Variants in JARID2 observed in about 807,000 individuals in gnomAD.
JARID2 encodes the protein jumonji and AT-rich interaction domain containing 2.
In JARID2, 21 loss-of-function variants were observed where a neutral mutation model predicts 125.6. The observed-to-expected ratio is 0.17, with a 90% CI of 0.12 to 0.24. JARID2 has a LOEUF of 0.24. Ranked by LOEUF, JARID2 falls within the 10% of genes least tolerant of loss-of-function variation. The pLI, the probability that JARID2 is intolerant of heterozygous loss-of-function variation, is 1.00. For synonymous variants in JARID2, 736 were observed against 661.6 expected, an observed-to-expected ratio of 1.11 and a Z score of -1.73; for missense variants, 1,303 against 1,639.6, an observed-to-expected ratio of 0.79 and a Z score of 3.55.
At chr6:15,393,629 G>T (rs1374033080) in intron 2 of JARID2, among the ~76,000 whole-genome samples, 1 of 152,134 alleles carries the variant, frequency 6.6e-6, no homozygotes, top group African/African-American at 2.4e-5. Flanking sequence ...CATATTTATC[G>T]TTGCAGCACT....
In JARID2 at chr6:15,468,576, T is replaced by C. The variant is rs761211439; in HGVS notation, c.528T>C (p.Phe176=). The C allele has an allele frequency of 5.0e-6, 8 of 1,613,984 alleles. No homozygotes were observed. In the East Asian group the frequency reaches 6.7e-5, roughly 13 times the overall value. The part of the protein sequence containing the change: ...SPALPNSMVY[F]GSSQDEEEVE... The stretch of plus-strand genomic sequence containing the variant: ...CGCTGCCCAACAGCATGGTGTATTT[T>C]GGAAGCTCTCAGGATGAGGAGGAAG... Residue 176 remains phenylalanine, a synonymous_variant, in exon 5 of 18, where the codon TTT becomes TTC. Transcript: ENST00000341776.
chr6:15,371,435 A>T (rs1020356864), intron 1 of JARID2, among the ~76,000 whole-genome samples: 1 of 152,216 alleles, frequency 6.6e-6, no homozygotes, highest in Non-Finnish European at 1.5e-5. Context: ...GTGGTGATGA[A>T]GAGAATTCTG....
chr6:15,441,026 C>T (rs1767424036), intron 3 of JARID2, among the ~76,000 whole-genome samples: 2 of 152,104 alleles, frequency 1.3e-5, no homozygotes, highest in Non-Finnish European at 2.9e-5. Flanking sequence ...AAATTTCTGT[C>T]AGAGCCCCAA....
At position 15,468,691 on chromosome 6, in the gene JARID2, A is replaced by T; in HGVS notation, c.643A>T (p.Thr215Ser). 1 of 1,613,424 alleles carries T rather than the reference A, an allele frequency of 6.2e-7. No individual in the cohort carries two copies. Among genetic ancestry groups the T allele is most frequent in the Non-Finnish European group, 8.5e-7 (1 of 1,179,690 alleles). Residue 215 changes from threonine to serine, a missense_variant, in exon 5 of 18, where the codon ACC becomes TCC. Transcript: ENST00000341776. ...SCQSTPRKGKTHKHVHNGHVF... is the reference protein window; with the variant it reads ...SCQSTPRKGKSHKHVHNGHVF... ...CCAGTCGACCCCCAGGAAAGGAAAA[A>T]CCCACAAACATGTTCACAACGGGCA...
At chr6:15,506,999 A>G in intron 9 of JARID2, 137 bp from the exon 10 acceptor site, 1 of 647,294 alleles carries the variant, frequency 1.5e-6, no homozygotes, top group Middle Eastern at 3.8e-4. Flanking sequence ...GTCCTGCTGG[A>G]GACACTCTGC....
chr6:15,339,850 T>C (rs965274140), intron 1 of JARID2, among the ~76,000 whole-genome samples: 1 of 152,210 alleles, frequency 6.6e-6, no homozygotes, highest in Non-Finnish European at 1.5e-5. Flanking sequence ...AGCTCTCTTC[T>C]AAAGTTTATC....
At chr6:15,346,875 A>G (rs1482992243) in intron 1 of JARID2, among the ~76,000 whole-genome samples, 1 of 151,864 alleles carries the variant, frequency 6.6e-6, no homozygotes, top group African/African-American at 2.4e-5. Flanking sequence ...AGCTAGGAAT[A>G]CAGGTGCTTG....
intron 17 of JARID2, 148 bp from the exon 18 acceptor site, chr6:15,519,921 G>T: frequency 1.9e-6 from 1 of 527,952 alleles, no homozygotes. Flanking sequence ...CTGCATCTGA[G>T]CCTCTCGGGG....
At chr6:15,337,776 G>A (rs1441400572) in intron 1 of JARID2, among the ~76,000 whole-genome samples, 4 of 151,724 alleles carry the variant, frequency 2.6e-5, no homozygotes, top group Admixed American at 6.6e-5. Context: ...GGAAGTTAAC[G>A]AAGGAACGGC....
chr6:15,311,109 C>T (rs1452372403), intron 1 of JARID2, among the ~76,000 whole-genome samples: 1 of 152,168 alleles, frequency 6.6e-6, no homozygotes, highest in East Asian at 1.9e-4. Context: ...GTCTCAGAGA[C>T]CCTTCCGCGT....
chr6:15,500,344 A>G (rs1022511020), intron 7 of JARID2, among the ~76,000 whole-genome samples: 6 of 152,276 alleles, frequency 3.9e-5, no homozygotes, highest in South Asian at 2.1e-4. Flanking sequence ...AGGATGGAAA[A>G]TAGACTTCCT....
rs775018044 is a variant in JARID2 at position 15,452,069 on chromosome 6, A to C, written c.387A>C (p.Pro129=). 1.4e-5 allele frequency: 22 copies of C among 1,614,064 alleles called. No homozygotes were observed. Among genetic ancestry groups the C allele is most frequent in the Non-Finnish European group, 1.9e-5 (22 of 1,180,030 alleles). ...AGCCGAATAGTCCCAGCACAACTCC[A>C]GTAAAGATAGTGGAGCCATTGCTAC... The part of the protein sequence containing the change: ...QSQPNSPSTT[P]VKIVEPLLPP... The change falls in exon 4 of 18, where the codon CCA becomes CCC. Residue 129 remains proline (P), a synonymous_variant. Transcript: ENST00000341776.
intron 1 of JARID2, among the ~76,000 whole-genome samples, chr6:15,252,766 C>T (rs1393266180): frequency 6.6e-6 from 1 of 151,774 alleles, no homozygotes; most frequent in African/African-American, 2.4e-5. Context: ...GTTTTTTTTC[C>T]GTCCTCCAGA....
intron 1 of JARID2, chr6:15,248,732 C>T (rs1005445324): frequency 1.7e-5 from 3 of 176,304 alleles, no homozygotes; most frequent in Non-Finnish European, 3.3e-5. Flanking sequence ...CGGCCGCACT[C>T]TGTTGTCATT....
intron 17 of JARID2, 97 bp from the exon 18 acceptor site, chr6:15,519,972 C>T (rs1029620142): frequency 1.2e-4 from 116 of 938,626 alleles, no homozygotes; most frequent in East Asian, 1.4e-4. Context: ...AAGGGGACCG[C>T]TGCCCTCTGC....
chr6:15,470,733 T>C (rs1769035402), intron 5 of JARID2, among the ~76,000 whole-genome samples: 1 of 152,056 alleles, frequency 6.6e-6, no homozygotes, highest in South Asian at 2.1e-4. Flanking sequence ...ATCTGGGTGG[T>C]TGGAAGAGAG....
chr6:15,468,399 A>AGTATT (rs1207815796), intron 4 of JARID2, 143 bp from the exon 5 acceptor site: 1 of 625,812 alleles, frequency 1.6e-6, no homozygotes, highest in African/African-American at 1.9e-5. Context: ...TGATCTTGGG[A>AGTATT]GCATTTGAAA....
intron 1 of JARID2, among the ~76,000 whole-genome samples, chr6:15,286,453 T>C (rs1465826038): frequency 1.3e-5 from 2 of 151,656 alleles, no homozygotes; most frequent in South Asian, 2.1e-4. Context: ...GGTTTCACCA[T>C]GTTGACCGGG....
chr6:15,409,815 G>T (rs1765802045), intron 2 of JARID2, among the ~76,000 whole-genome samples: 1 of 152,166 alleles, frequency 6.6e-6, no homozygotes, highest in African/African-American at 2.4e-5. Flanking sequence ...ACTGGTTCCT[G>T]CAGGCAATTC....
Sources: allele counts gnomAD v4.1 joint callset (sites outside exome capture counted in the v4.1 genomes callset), GRCh38; gene constraint gnomAD v4.1.1; transcripts MANE v1.5; gene names NCBI Gene and HGNC (gene_info 2026-07-23, HGNC 2026-07-21).